The following RFX3 variants were observed in gnomAD, a reference collection of about 807,000 sequenced individuals.
RFX3 encodes the protein regulatory factor X3, also known as transcription factor RFX3.
Under a neutral mutation model 98.6 loss-of-function variants are expected in RFX3, and 14 were observed. The ratio of observed to expected loss-of-function variants is 0.14; its 90% CI spans 0.09 to 0.22. The LOEUF (loss-of-function observed/expected upper bound fraction) is 0.22, where lower values mean the gene tolerates loss of function less well. Among genes scored for constraint, RFX3 ranks in the 10% least tolerant of loss-of-function variants. The pLI, the probability that RFX3 is intolerant of heterozygous loss-of-function variation, is 1.00. For synonymous variants in RFX3, 383 were observed against 328.4 expected, an observed-to-expected ratio of 1.17 and a Z score of -1.80; for missense variants, 639 against 926.9, an observed-to-expected ratio of 0.69 and a Z score of 4.03.
At chr9:3,261,177 GA>G (rs1822839627) in intron 13 of RFX3, among the ~76,000 whole-genome samples, 1 of 151,956 alleles carries the variant, frequency 6.6e-6, no homozygotes, top group Admixed American at 6.6e-5. Flanking sequence ...TTCATCTAAA[GA>G]ATACCGTTCA....
rs1817735031 is a variant in RFX3, at chr9:3,226,107, T to C, written c.2012-827A>G. ...GAGAGAGAAAATGCACATATACAGCTTTACTATTGTGTGAGAGTCTCCTCA... is the reference window on the plus strand; with the variant it reads ...GAGAGAGAAAATGCACATATACAGCCTTACTATTGTGTGAGAGTCTCCTCA... On this transcript the variant is annotated intron_variant, in intron 16 of 16. Coordinates refer to ENST00000617270, the MANE Select transcript of RFX3 (RefSeq NM_001282116.2). Among the ~76,000 whole-genome samples the C allele has an allele frequency of 3.3e-5, 5 of 152,274 alleles. No individual in the cohort carries two copies. The South Asian group carries it at 1.0e-3, about 32-fold the overall frequency.
At chr9:3,277,605 C>T (rs1159141525) in intron 7 of RFX3, 144 bp from the exon 8 acceptor site, 1 of 644,644 alleles carries the variant, frequency 1.6e-6, no homozygotes, top group East Asian at 3.0e-5. Flanking sequence ...TTGATAGTCT[C>T]ATAAAGTTAG....
At chr9:3,336,775 A>C (rs536387826) in intron 3 of RFX3, among the ~76,000 whole-genome samples, 12 of 152,316 alleles carry the variant, frequency 7.9e-5, no homozygotes, top group African/African-American at 2.9e-4. Context: ...CCATGAAATT[A>C]GTTTTAATAG....
At chr9:3,466,446 T>C (rs1013269819) in intron 1 of RFX3, among the ~76,000 whole-genome samples, 9 of 152,164 alleles carry the variant, frequency 5.9e-5, no homozygotes, top group African/African-American at 1.9e-4. Context: ...CAAATGCATA[T>C]GGCTAGGTTG....
At chr9:3,272,400 G>C (rs1396550818) in intron 9 of RFX3, among the ~76,000 whole-genome samples, 1 of 152,140 alleles carries the variant, frequency 6.6e-6, no homozygotes, top group Non-Finnish European at 1.5e-5. Flanking sequence ...CACCTGTATA[G>C]AGCTGGCCCA....
At chr9:3,266,719 T>C (rs1823687773) in intron 11 of RFX3, among the ~76,000 whole-genome samples, 1 of 152,092 alleles carries the variant, frequency 6.6e-6, no homozygotes, top group African/African-American at 2.4e-5. Flanking sequence ...TCTATTTTCA[T>C]TTCTTTTATT....
chr9:3,275,740 A>G, intron 8 of RFX3, 128 bp from the exon 9 acceptor site: 1 of 537,844 alleles, frequency 1.9e-6, no homozygotes, highest in East Asian at 2.9e-5. Context: ...GAGAGCAAGG[A>G]CATTTTATAT....
intron 1 of RFX3, among the ~76,000 whole-genome samples, chr9:3,473,730 C>T (rs1378003657): frequency 6.6e-6 from 1 of 152,176 alleles, no homozygotes; most frequent in African/African-American, 2.4e-5. Flanking sequence ...AAAACCTCAA[C>T]AGGGGAGTTT....
intron 1 of RFX3, among the ~76,000 whole-genome samples, chr9:3,406,467 T>C (rs966155310): frequency 3.9e-5 from 6 of 152,040 alleles, no homozygotes; most frequent in African/African-American, 9.7e-5. Flanking sequence ...ATACTATCTT[T>C]ACTCAGTACA....
At chr9:3,372,026 AAT>A (rs1335000973) in intron 2 of RFX3, among the ~76,000 whole-genome samples, 1 of 152,164 alleles carries the variant, frequency 6.6e-6, no homozygotes, top group Non-Finnish European at 1.5e-5. Context: ...CTAAGTGGTA[AAT>A]ATTACATGCC....
At chr9:3,250,965 T>C (rs1460905172) in intron 14 of RFX3, among the ~76,000 whole-genome samples, 1 of 152,180 alleles carries the variant, frequency 6.6e-6, no homozygotes, top group Admixed American at 6.5e-5. Context: ...CTTTAAATGT[T>C]TATATCCTTT....
chr9:3,478,776 T>A (rs114808950), intron 1 of RFX3, among the ~76,000 whole-genome samples: 289 of 152,300 alleles, frequency 1.9e-3, no homozygotes, highest in African/African-American at 6.7e-3. Context: ...TATAGTTGGC[T>A]AGTTCTCCAG....
intron 2 of RFX3, among the ~76,000 whole-genome samples, chr9:3,371,390 ATAAG>A (rs1164515472): frequency 3.9e-5 from 6 of 152,212 alleles, no homozygotes; most frequent in African/African-American, 7.2e-5. Flanking sequence ...TTAGGATTAA[ATAAG>A]TGTTTCCGCT....
intron 1 of RFX3, among the ~76,000 whole-genome samples, chr9:3,397,307 C>G (rs545863813): frequency 6.6e-6 from 1 of 152,224 alleles, no homozygotes; most frequent in East Asian, 1.9e-4. Flanking sequence ...AGGAATGGAG[C>G]AAGAGAAACA....
chr9:3,244,035 T>A (rs1053919292), intron 15 of RFX3, among the ~76,000 whole-genome samples: 1 of 150,934 alleles, frequency 6.6e-6, no homozygotes, highest in Non-Finnish European at 1.5e-5. Flanking sequence ...GGAGTCCCGC[T>A]TTGTCGCCCA....
chr9:3,502,930 CTTCATCAT>C (rs1383980201), intron 1 of RFX3, among the ~76,000 whole-genome samples: 2 of 152,128 alleles, frequency 1.3e-5, no homozygotes, highest in African/African-American at 2.4e-5. Flanking sequence ...TGGAAATTCA[CTTCATCAT>C]TTCATCAAAC....
At chr9:3,294,273 C>A (rs1256880096) in intron 5 of RFX3, among the ~76,000 whole-genome samples, 1 of 152,046 alleles carries the variant, frequency 6.6e-6, no homozygotes, top group Non-Finnish European at 1.5e-5. Context: ...CAATGTTTCA[C>A]AAAAGCAGTA....
At chr9:3,342,814 T>C (rs934710277) in intron 3 of RFX3, among the ~76,000 whole-genome samples, 2 of 152,178 alleles carry the variant, frequency 1.3e-5, no homozygotes, top group African/African-American at 4.8e-5. Flanking sequence ...GAAATAAAGA[T>C]GATGATCAAG....
intron 1 of RFX3, among the ~76,000 whole-genome samples, chr9:3,504,229 A>G (rs977663855): frequency 3.0e-5 from 4 of 134,722 alleles, no homozygotes; most frequent in African/African-American, 5.6e-5. Flanking sequence ...TATATTATAT[A>G]CTATATATTA....
Sources: allele counts gnomAD v4.1 joint callset (sites outside exome capture counted in the v4.1 genomes callset), GRCh38; gene constraint gnomAD v4.1.1; transcripts MANE v1.5; gene names NCBI Gene and HGNC (gene_info 2026-07-23, HGNC 2026-07-21).